KYAT1: variants seen among roughly 807,000 people sequenced by gnomAD.
KYAT1 encodes kynurenine aminotransferase 1, also known as kynurenine--oxoglutarate transaminase 1.
KYAT1 carries 47 observed loss-of-function variants against 52.4 expected under a neutral mutation model. The ratio of observed to expected loss-of-function variants is 0.90; its 90% CI spans 0.71 to 1.14. The LOEUF is 1.14. Ranked by LOEUF, KYAT1 falls within the 50% of genes most tolerant of loss-of-function variation. The probability of loss-of-function intolerance (pLI) is 0.00; values close to 1 mark genes in which losing one functional copy is unlikely to be tolerated. For synonymous variants in KYAT1, 212 were observed against 209.6 expected (o/e 1.01, Z -0.10); for missense variants, 480 against 557.9 (o/e 0.86, Z 1.41).
intron 1 of KYAT1, among the ~76,000 whole-genome samples, chr9:128,868,240 G>A (rs577008901): frequency 2.6e-5 from 4 of 151,176 alleles, no homozygotes; most frequent in African/African-American, 4.9e-5. Context: ...GCAATGGCAC[G>A]ATCTTGATTC....
chr9:128,862,780 A>G (rs1005550022), intron 1 of KYAT1, among the ~76,000 whole-genome samples: 1 of 152,112 alleles, frequency 6.6e-6, no homozygotes, highest in African/African-American at 2.4e-5. Flanking sequence ...CATCGGGCCT[A>G]TGTGTGGCCG....
chr9:128,861,940 A>C (rs1355974580), intron 1 of KYAT1, among the ~76,000 whole-genome samples: 1 of 152,158 alleles, frequency 6.6e-6, no homozygotes, highest in Non-Finnish European at 1.5e-5. Context: ...CCTAGACCCA[A>C]CATCTTGCTA....
chr9:128,844,137 G>A (rs957947267), intron 2 of KYAT1, among the ~76,000 whole-genome samples: 8 of 152,224 alleles, frequency 5.3e-5, no homozygotes, highest in South Asian at 2.1e-4. Context: ...TCTCCAGGTG[G>A]GAGAAAGGCT....
At chr9:128,842,571 C>G (rs1832379955) in intron 3 of KYAT1, 83 bp downstream of exon 3, 1 of 1,397,276 alleles carries the variant, frequency 7.2e-7, no homozygotes. Flanking sequence ...TCCCCTGAAG[C>G]CTGACAGCTG....
At chr9:128,882,487 C>G (rs1839104311), upstream of KYAT1, 1 of 385,768 alleles carries the variant, frequency 2.6e-6, no homozygotes, top group African/African-American at 2.1e-5. Flanking sequence ...CTCCCAGGCA[C>G]CCCTGTGCCT....
chr9:128,865,236 C>G (rs1304861846), intron 1 of KYAT1, among the ~76,000 whole-genome samples: 1 of 131,524 alleles, frequency 7.6e-6, no homozygotes, highest in Non-Finnish European at 1.6e-5. Flanking sequence ...CCCCACATCC[C>G]TCCCACACCA....
chr9:128,879,599 G>A (rs7042449), intron 1 of KYAT1, among the ~76,000 whole-genome samples: 3 of 152,126 alleles, frequency 2.0e-5, no homozygotes, highest in African/African-American at 7.2e-5. Context: ...CTCCAATCCT[G>A]TTGGTCACCC....
At chr9:128,871,614 A>G (rs1837238022) in intron 1 of KYAT1, among the ~76,000 whole-genome samples, 1 of 151,578 alleles carries the variant, frequency 6.6e-6, no homozygotes, top group Admixed American at 6.6e-5. Flanking sequence ...CAGGAGGCTC[A>G]GCTGGGAGTA....
chr9:128,837,017 G>A, intron 6 of KYAT1, 95 bp from the exon 7 acceptor site: 1 of 1,487,618 alleles, frequency 6.7e-7, no homozygotes, highest in Non-Finnish European at 9.0e-7. Context: ...GCTGCGGCCA[G>A]GTGCGGTGGC....
chr9:128,859,366 C>A (rs117643495), intron 1 of KYAT1, among the ~76,000 whole-genome samples: 8,841 of 145,656 alleles, frequency 0.061, 305 homozygotes, highest in East Asian at 0.1. Context: ...GTCTCAACAA[C>A]AAAAAAAAAA....
rs1564491745 is a variant in KYAT1 at position 128,865,342 on chromosome 9, TATATATATATA to T, written c.-7+16544_-7+16554del. 3.6e-3 allele frequency among the ~76,000 whole-genome samples: 23 copies of T among 6,378 alleles called. 3 individuals carry two copies. The highest frequency in any genetic ancestry group is 8.5e-3 in the African/African-American group (15 of 1,756). The allele number at this position is 6,378 out of a possible 152,430, so 4.2% of individuals were successfully genotyped here. On this transcript the variant is annotated intron_variant, in intron 1 of 12. Transcript: ENST00000302586. ...ATATATATATATATATATATATATA[TATATATATATA>T]TATATATTTTTTTTTTTTTTTTTTT...
chr9:128,871,043 G>T (rs571228958), intron 1 of KYAT1, among the ~76,000 whole-genome samples: 59 of 152,004 alleles, frequency 3.9e-4, no homozygotes, highest in African/African-American at 1.4e-3. Context: ...CAGGCTGGCC[G>T]CGGTGACTCA....
At chr9:128,838,464 C>T in intron 3 of KYAT1, 97 bp from the exon 4 acceptor site, 1 of 1,470,112 alleles carries the variant, frequency 6.8e-7, no homozygotes, top group Non-Finnish European at 9.4e-7. Context: ...AGCAGCAGGC[C>T]TGGGGGCAAA....
intron 1 of KYAT1, among the ~76,000 whole-genome samples, chr9:128,852,101 A>G (rs959186626): frequency 6.6e-6 from 1 of 152,206 alleles, no homozygotes; most frequent in Non-Finnish European, 1.5e-5. Flanking sequence ...GGGGCGCTAC[A>G]TAAAATAGTT....
At chr9:128,880,738 G>C (rs942055216) in intron 1 of KYAT1, among the ~76,000 whole-genome samples, 4 of 151,998 alleles carry the variant, frequency 2.6e-5, no homozygotes, top group Non-Finnish European at 5.9e-5. Flanking sequence ...CACCGCGCCC[G>C]GCCCTGGCTA....
At chr9:128,854,929 T>C (rs559510731) in intron 1 of KYAT1, among the ~76,000 whole-genome samples, 32 of 152,312 alleles carry the variant, frequency 2.1e-4, no homozygotes, top group South Asian at 8.3e-4. Context: ...CCAAAATTGG[T>C]TGGTAGAAGT....
chr9:128,860,410 C>G (rs1201185013), intron 1 of KYAT1: 1 of 151,924 alleles, frequency 6.6e-6, no homozygotes, highest in Non-Finnish European at 1.5e-5. Flanking sequence ...CAGGTTTTCC[C>G]ACCCAGGTGC....
Position 128,835,861 on chromosome 9 carries a change from C to A in KYAT1, c.773G>T (p.Trp258Leu). The A allele has an allele frequency of 1.2e-6, 2 of 1,614,154 alleles. No individual in the cohort carries two copies. Among genetic ancestry groups the A allele is most frequent in the Non-Finnish European group, 1.7e-6 (2 of 1,180,006 alleles). Residue 258 changes from tryptophan to leucine, a missense_variant, in exon 9 of 13, where the codon TGG (tryptophan) becomes TTG (leucine). Transcript: ENST00000302586. ...TFSATGWKVG[W>L]VLGPDHIMKH... ...CATGATGTGATCTGGACCCAGGACC[C>A]AGCCCACCTGCAGCAGGGGCGCAGG...
At position 128,835,871 on chromosome 9, in the gene KYAT1, G is replaced by A; in HGVS notation, c.766-3C>T. On this transcript the variant is annotated splice_polypyrimidine_tract_variant and splice_region_variant and intron_variant, in intron 8 of 12. Coordinates refer to ENST00000302586, the MANE Select transcript of KYAT1 (RefSeq NM_004059.5). ...TCTGGACCCAGGACCCAGCCCACCT[G>A]CAGCAGGGGCGCAGGTAGGGGGAGA... is the stretch of plus-strand genomic sequence containing the variant. 1.2e-6 allele frequency: 2 copies of A among 1,614,126 alleles called. No homozygotes were observed. The highest frequency in any genetic ancestry group is 1.7e-6 in the Non-Finnish European group (2 of 1,179,974).
Sources: gnomAD v4.1 joint callset for allele counts (sites outside exome capture counted in the v4.1 genomes callset) on GRCh38, gnomAD v4.1.1 for gene constraint, MANE v1.5 for transcripts, NCBI Gene and HGNC (gene_info 2026-07-23, HGNC 2026-07-21) for gene names.